The following NKAIN3 variants were observed in gnomAD, a reference collection of about 807,000 sequenced individuals.
The protein encoded by NKAIN3 is sodium/potassium-transporting ATPase subunit beta-1-interacting protein 3.
NKAIN3 carries 25 observed loss-of-function variants against 30.2 expected under a neutral mutation model. The observed-to-expected ratio is 0.83, with a 90% CI of 0.60 to 1.16. The LOEUF is 1.16. Ranked by LOEUF, NKAIN3 falls within the 50% of genes most tolerant of loss-of-function variation. NKAIN3 has a pLI of 0.00. For missense variants in NKAIN3, 225 were observed against 254.1 expected, an observed-to-expected ratio of 0.89 and a Z score of 0.78; for synonymous variants, 91 against 89.6, an observed-to-expected ratio of 1.02 and a Z score of -0.09.
chr8:62,356,472 C>T (rs939093666), intron 1 of NKAIN3, among the ~76,000 whole-genome samples: 5 of 152,126 alleles, frequency 3.3e-5, no homozygotes, highest in Non-Finnish European at 7.4e-5. Flanking sequence ...ATTGTTGGCA[C>T]CCATATCCAC....
At chr8:62,347,772 C>G (rs1372354181) in intron 1 of NKAIN3, among the ~76,000 whole-genome samples, 1 of 152,070 alleles carries the variant, frequency 6.6e-6, no homozygotes, top group Non-Finnish European at 1.5e-5. Context: ...ATGATAGGCT[C>G]ATTCTGGAGT....
At position 62,971,040 on chromosome 8, in the gene NKAIN3, T is replaced by G. The variant is rs896509573; in HGVS notation, c.*5633T>G. ...GAGACAGTCAGCAAAGAGCCGGATGTGATTTCCCTAGAGACAAGGACCGAG... is the reference window on the plus strand; with the variant it reads ...GAGACAGTCAGCAAAGAGCCGGATGGGATTTCCCTAGAGACAAGGACCGAG... On this transcript the variant is annotated 3_prime_UTR_variant, in exon 7 of 7. Transcript: ENST00000623646. 6.8e-6 allele frequency among the ~76,000 whole-genome samples: 1 copy of G among 146,348 alleles called. No individual in the cohort carries two copies. The highest frequency in any genetic ancestry group is 1.5e-5 in the Non-Finnish European group (1 of 67,186).
chr8:62,494,490 G>T (rs999839976), intron 1 of NKAIN3, among the ~76,000 whole-genome samples: 6 of 152,088 alleles, frequency 3.9e-5, no homozygotes, highest in African/African-American at 7.2e-5. Context: ...TTTATTTGTT[G>T]TGTCTCTGCC....
chr8:62,522,256 A>T (rs973883900), intron 1 of NKAIN3, among the ~76,000 whole-genome samples: 2 of 152,174 alleles, frequency 1.3e-5, no homozygotes, highest in Non-Finnish European at 2.9e-5. Flanking sequence ...ATGATACTGT[A>T]GCCATCATGA....
At chr8:62,764,117 C>T (rs1472778915) in intron 4 of NKAIN3, among the ~76,000 whole-genome samples, 1 of 152,098 alleles carries the variant, frequency 6.6e-6, no homozygotes, top group East Asian at 1.9e-4. Context: ...TGGCTGATGC[C>T]CTTTGGGTTG....
chr8:62,728,679 A>G (rs932266798), intron 3 of NKAIN3, among the ~76,000 whole-genome samples: 9 of 149,746 alleles, frequency 6.0e-5, no homozygotes, highest in Non-Finnish European at 1.0e-4. Flanking sequence ...AAACAAAAAA[A>G]CAAAACAAAA....
At chr8:62,281,572 G>T (rs149677730) in intron 1 of NKAIN3, among the ~76,000 whole-genome samples, 4,224 of 152,114 alleles carry the variant, frequency 0.028, 96 homozygotes, top group Middle Eastern at 0.075. Flanking sequence ...CTGGTATGTT[G>T]TGTCTTTGTT....
chr8:62,854,227 G>A (rs1458309979), intron 4 of NKAIN3, among the ~76,000 whole-genome samples: 7 of 152,204 alleles, frequency 4.6e-5, no homozygotes, highest in African/African-American at 1.7e-4. Context: ...ACTTGATCCA[G>A]AGCTGAGTTC....
At chr8:62,959,469 T>TGTGTGTGTGG in intron 6 of NKAIN3, among the ~76,000 whole-genome samples, 1 of 147,126 alleles carries the variant, frequency 6.8e-6, no homozygotes, top group African/African-American at 2.5e-5. Context: ...TGTGTGTGTG[T>TGTGTGTGTGG]AGGAGTTGGG....
chr8:62,476,838 C>T lies in NKAIN3; in HGVS notation c.55-102701C>T, dbSNP rs115768826. Among the ~76,000 whole-genome samples the T allele has an allele frequency of 2.1e-3, 318 of 152,260 alleles. 2 individuals are homozygous for T. Among genetic ancestry groups the T allele is most frequent in the African/African-American group, 7.2e-3 (300 of 41,542 alleles). On this transcript the variant is annotated intron_variant, in intron 1 of 6. Coordinates refer to ENST00000623646, the MANE Select transcript of NKAIN3 (RefSeq NM_001304533.3). ...TACTATTATTTTTAACATCTGTTGGCTTGTCCCTGTCTCTTGCTTTAATGT... is the reference window on the plus strand; with the variant it reads ...TACTATTATTTTTAACATCTGTTGGTTTGTCCCTGTCTCTTGCTTTAATGT...
At chr8:62,856,204 T>A (rs868755578) in intron 4 of NKAIN3, 4 of 792,116 alleles carry the variant, frequency 5.0e-6, no homozygotes, top group Non-Finnish European at 9.2e-6. Context: ...TTGTATTAAA[T>A]GTCTGGGTCT....
intron 1 of NKAIN3, among the ~76,000 whole-genome samples, chr8:62,448,985 G>T (rs1178626143): frequency 1.3e-5 from 2 of 151,858 alleles, no homozygotes; most frequent in Admixed American, 1.3e-4. Context: ...TCCAAGCTAT[G>T]TTGTTTGCCT....
intron 4 of NKAIN3, among the ~76,000 whole-genome samples, chr8:62,845,285 T>TTTTATATATA (rs1554583723): frequency 7.3e-5 from 5 of 68,928 alleles, no homozygotes; most frequent in African/African-American, 9.8e-5. Context: ...GGATAGTAGA[T>TTTTATATATA]TATATATATA....
At chr8:62,751,396 G>C (rs1467723991) in intron 4 of NKAIN3, among the ~76,000 whole-genome samples, 1 of 152,108 alleles carries the variant, frequency 6.6e-6, no homozygotes, top group Non-Finnish European at 1.5e-5. Context: ...CCATATGCCT[G>C]GTTCTCCCAT....
At chr8:62,958,115 A>G (rs1387689675) in intron 6 of NKAIN3, among the ~76,000 whole-genome samples, 2 of 152,170 alleles carry the variant, frequency 1.3e-5, no homozygotes, top group African/African-American at 4.8e-5. Flanking sequence ...GCCGTTCTAC[A>G]GAAGACAAAG....
chr8:62,462,139 A>G (rs1806018835), intron 1 of NKAIN3, among the ~76,000 whole-genome samples: 1 of 152,138 alleles, frequency 6.6e-6, no homozygotes, highest in Admixed American at 6.5e-5. Context: ...ATGAAAGAAG[A>G]GAGACAGAGT....
At chr8:62,721,770 T>G (rs1316471774) in intron 3 of NKAIN3, among the ~76,000 whole-genome samples, 1 of 152,222 alleles carries the variant, frequency 6.6e-6, no homozygotes, top group East Asian at 1.9e-4. Flanking sequence ...GAAACCTACA[T>G]CATTTGAAGA....
chr8:62,935,019 C>A (rs978147547), intron 5 of NKAIN3, among the ~76,000 whole-genome samples: 2 of 152,120 alleles, frequency 1.3e-5, no homozygotes, highest in African/African-American at 4.8e-5. Flanking sequence ...GTTTTCTTTT[C>A]TTTCCTAAGA....
At chr8:62,639,200 A>T (rs932979598) in intron 3 of NKAIN3, among the ~76,000 whole-genome samples, 11 of 152,164 alleles carry the variant, frequency 7.2e-5, no homozygotes, top group Non-Finnish European at 1.3e-4. Flanking sequence ...CAAAATATGG[A>T]AATTGCTTTG....
Sources: allele counts gnomAD v4.1 joint callset (sites outside exome capture counted in the v4.1 genomes callset), GRCh38; gene constraint gnomAD v4.1.1; transcripts MANE v1.5; gene names NCBI Gene and HGNC (gene_info 2026-07-23, HGNC 2026-07-21).